The following SRC variants were observed in gnomAD, a reference collection of about 807,000 sequenced individuals.
SRC encodes SRC proto-oncogene, non-receptor tyrosine kinase, also known as proto-oncogene tyrosine-protein kinase Src.
SRC carries 13 observed loss-of-function variants against 62.9 expected under a neutral mutation model. The observed-to-expected ratio is 0.21, with a 90% confidence interval of 0.13 to 0.33. The LOEUF is 0.33. SRC is among the 10% of genes least tolerant of loss of function. The pLI is 1.00. For synonymous variants in SRC, 302 were observed against 317.5 expected (o/e 0.95, Z 0.52); for missense variants, 457 against 737.3 (o/e 0.62, Z 4.40).
At chr20:37,374,503 A>C (rs1434214261) in intron 2 of SRC, among the ~76,000 whole-genome samples, 1 of 151,776 alleles carries the variant, frequency 6.6e-6, no homozygotes, top group East Asian at 1.9e-4. Context: ...CTTTTGGTTT[A>C]ATAGTTTTGC....
chr20:37,361,048 C>T (rs1321835497), intron 1 of SRC, among the ~76,000 whole-genome samples: 1 of 150,802 alleles, frequency 6.6e-6, no homozygotes, highest in Non-Finnish European at 1.5e-5. Flanking sequence ...GGGGGGCAGG[C>T]AAGGTCAGGT....
At chr20:37,380,332 G>A (rs2070347803) in intron 2 of SRC, among the ~76,000 whole-genome samples, 1 of 152,080 alleles carries the variant, frequency 6.6e-6, no homozygotes, top group Admixed American at 6.5e-5. Flanking sequence ...GCCCAGTGTG[G>A]TGGCCCCTTT....
Position 37,396,204 on chromosome 20 carries a change from G to T in SRC, c.596G>T (p.Gly199Val), listed in dbSNP as rs753404366. Residue 199 changes from glycine (G) to valine (V), a missense_variant, in exon 8 of 14, where the codon GGC becomes GTC. By Grantham distance (109) the Gly-to-Val change is moderately radical. This residue lies in a region of SRC where 141 missense variants were observed against 198.4 expected (regional missense o/e 0.71). Transcript: ENST00000373578. This position sits in a 1 kb window ranked among gnomAD's most constrained non-coding sequence, Gnocchi z 6.1. ...LSVSDFDNAKGLNVKHYKIRK... is the reference protein window; with the variant it reads ...LSVSDFDNAKVLNVKHYKIRK... ...GTGTCTGACTTCGACAACGCCAAGG[G>T]CCTCAACGTGAAGCACTACAAGATC... The T allele has an allele frequency of 6.2e-7, 1 of 1,613,954 alleles. No homozygotes were observed. Among genetic ancestry groups the T allele is most frequent in the Non-Finnish European group, 8.5e-7 (1 of 1,180,018 alleles).
intron 2 of SRC, among the ~76,000 whole-genome samples, chr20:37,371,096 C>G (rs780092043): frequency 1.3e-5 from 2 of 151,378 alleles, no homozygotes; most frequent in Non-Finnish European, 2.9e-5. Context: ...TCAAGCAATT[C>G]TCCTGCTTCA....
intron 1 of SRC, among the ~76,000 whole-genome samples, chr20:37,358,935 C>G (rs1383695330): frequency 6.6e-6 from 1 of 152,278 alleles, no homozygotes; most frequent in Non-Finnish European, 1.5e-5. Flanking sequence ...CATGTCCTGG[C>G]TGCCCTGGCA....
intron 1 of SRC, among the ~76,000 whole-genome samples, chr20:37,348,671 A>G (rs2069757648): frequency 6.6e-6 from 1 of 152,160 alleles, no homozygotes; most frequent in Middle Eastern, 3.4e-3. Flanking sequence ...GCCTGGTTGG[A>G]TACTTGCTGG....
chr20:37,391,002 G>A (rs147580379), intron 5 of SRC, among the ~76,000 whole-genome samples: 72 of 152,316 alleles, frequency 4.7e-4, no homozygotes, highest in African/African-American at 1.7e-3. Flanking sequence ...CTCACAGGTG[G>A]GCTGACTCTG....
intron 1 of SRC, among the ~76,000 whole-genome samples, chr20:37,362,845 G>A (rs1451916243): frequency 6.6e-6 from 1 of 152,158 alleles, no homozygotes; most frequent in East Asian, 1.9e-4. Context: ...AGGGAGAGAT[G>A]GTGGGAAGTG....
chr20:37,352,978 C>T (rs2069829095), intron 1 of SRC, among the ~76,000 whole-genome samples: 1 of 152,222 alleles, frequency 6.6e-6, no homozygotes, highest in Non-Finnish European at 1.5e-5. Context: ...CATTGAACTT[C>T]ACCTTGTCCC....
At chr20:37,359,703 C>T (rs2069936496) in intron 1 of SRC, among the ~76,000 whole-genome samples, 1 of 152,106 alleles carries the variant, frequency 6.6e-6, no homozygotes, top group South Asian at 2.1e-4. Context: ...GGCACCTGAG[C>T]CATCTAAAAC....
At chr20:37,358,750 C>T (rs148039544) in intron 1 of SRC, among the ~76,000 whole-genome samples, 20 of 152,310 alleles carry the variant, frequency 1.3e-4, no homozygotes, top group South Asian at 4.1e-4. Context: ...GTAGGAGCTC[C>T]GTGGCCCCCC....
intron 5 of SRC, among the ~76,000 whole-genome samples, chr20:37,388,615 G>A (rs1463367805): frequency 6.6e-6 from 1 of 152,224 alleles, no homozygotes; most frequent in African/African-American, 2.4e-5. Flanking sequence ...AGGTGTGGTG[G>A]CGCATGCCAG....
At chr20:37,399,547 A>AC (rs2070707903) in intron 9 of SRC, among the ~76,000 whole-genome samples, 1 of 147,224 alleles carries the variant, frequency 6.8e-6, no homozygotes, top group Non-Finnish European at 1.5e-5. Context: ...GCTTTTTAGG[A>AC]CTTTTTTTTT....
intron 1 of SRC, among the ~76,000 whole-genome samples, chr20:37,352,757 G>A (rs967751352): frequency 1.3e-5 from 2 of 152,136 alleles, no homozygotes; most frequent in African/African-American, 2.4e-5. Context: ...GCCCTGCCCC[G>A]ATCATCTCCC....
Position 37,403,729 on chromosome 20 carries a change from G to A in SRC, c.*350G>A, listed in dbSNP as rs1408075206. On this transcript the variant is annotated 3_prime_UTR_variant, in exon 14 of 14. Coordinates refer to ENST00000373578, the MANE Select transcript of SRC (RefSeq NM_198291.3). This position sits in a 1 kb window ranked among gnomAD's most constrained non-coding sequence, Gnocchi z 7.1. ...CCCTTTTCCAGCCTCAGCCTACTCC[G>A]CTCACTGAACTCCTTCCCCACTTCT... is the stretch of plus-strand genomic sequence containing the variant. 4.3e-5 allele frequency: 15 copies of A among 350,954 alleles called. No individual in the cohort carries two copies. The highest frequency in any genetic ancestry group is 1.2e-4 in the Admixed American group (3 of 24,896). 21.7% of individuals were successfully genotyped at this position (350,954 alleles called of 1,614,324 possible).
chr20:37,379,713 A>T (rs2070332274), intron 2 of SRC, among the ~76,000 whole-genome samples: 1 of 137,536 alleles, frequency 7.3e-6, no homozygotes, highest in African/African-American at 2.8e-5. Flanking sequence ...GACAGAGGAG[A>T]CTCTGTCTCA....
intron 1 of SRC, among the ~76,000 whole-genome samples, chr20:37,358,910 G>A (rs2069925112): frequency 6.6e-6 from 1 of 152,256 alleles, no homozygotes; most frequent in African/African-American, 2.4e-5. Context: ...TTCGCGCCGC[G>A]GACACGGGAC....
At chr20:37,352,575 C>T (rs1290999656) in intron 1 of SRC, among the ~76,000 whole-genome samples, 5 of 152,208 alleles carry the variant, frequency 3.3e-5, no homozygotes, top group African/African-American at 4.8e-5. Context: ...TGGCCTCCCT[C>T]CTCCGCCTCA....
At chr20:37,346,947 G>C (rs529328583) in intron 1 of SRC, among the ~76,000 whole-genome samples, 1 of 152,378 alleles carries the variant, frequency 6.6e-6, no homozygotes, top group African/African-American at 2.4e-5. Flanking sequence ...GGATTGGGGT[G>C]GGTTTGAGTC....
Sources: gnomAD v4.1 joint callset for allele counts (sites outside exome capture counted in the v4.1 genomes callset) on GRCh38, gnomAD v4.1.1 for gene constraint, gnomAD v4.1.1 regional missense constraint, Gnocchi (gnomAD v3.1) non-coding constraint, MANE v1.5 for transcripts, NCBI Gene and HGNC (gene_info 2026-07-23, HGNC 2026-07-21) for gene names.